The following DLG2 variants were observed in gnomAD, a reference collection of about 807,000 sequenced individuals.
DLG2 encodes the protein disks large homolog 2.
A neutral mutation model predicts 132.5 loss-of-function variants in DLG2; 45 were observed. The observed-to-expected ratio is 0.34, with a 90% CI of 0.27 to 0.44. DLG2 has a LOEUF of 0.44. Among genes scored for constraint, DLG2 ranks in the 20% least tolerant of loss-of-function variants. The probability of loss-of-function intolerance (pLI) is 1.00; values close to 1 mark genes in which losing one functional copy is unlikely to be tolerated. For missense variants in DLG2, 1,045 were observed against 1,196.9 expected (o/e 0.87, Z 1.87); for synonymous variants, 424 against 419.6 (o/e 1.01, Z -0.13).
At chr11:85,130,992 C>T (rs1368061864) in intron 5 of DLG2, among the ~76,000 whole-genome samples, 1 of 151,736 alleles carries the variant, frequency 6.6e-6, no homozygotes, top group African/African-American at 2.4e-5. Context: ...TAGAAATGTT[C>T]GTGGATATAA....
At chr11:84,277,884 G>A (rs2097798105) in intron 7 of DLG2, among the ~76,000 whole-genome samples, 1 of 151,856 alleles carries the variant, frequency 6.6e-6, no homozygotes. Flanking sequence ...CAAACATGAG[G>A]AGCTAATAAG....
intron 19 of DLG2, among the ~76,000 whole-genome samples, chr11:83,601,775 G>A (rs890460836): frequency 2.0e-5 from 3 of 151,760 alleles, no homozygotes; most frequent in East Asian, 1.9e-4. Context: ...TGCCGGCCTC[G>A]GCCTCCCAAA....
At chr11:84,341,083 A>G (rs2098512179) in intron 7 of DLG2, among the ~76,000 whole-genome samples, 1 of 152,150 alleles carries the variant, frequency 6.6e-6, no homozygotes, top group South Asian at 2.1e-4. Flanking sequence ...ACTGCTAAGG[A>G]TCGTAAGTGG....
At chr11:85,460,806 T>C (rs1192687925) in intron 3 of DLG2, among the ~76,000 whole-genome samples, 1 of 152,244 alleles carries the variant, frequency 6.6e-6, no homozygotes, top group East Asian at 1.9e-4. Context: ...AAGTTCCTGC[T>C]TTGAAAAACT....
chr11:85,511,507 C>T (rs2094069240), intron 3 of DLG2, among the ~76,000 whole-genome samples: 1 of 151,850 alleles, frequency 6.6e-6, no homozygotes, highest in Admixed American at 6.6e-5. Flanking sequence ...CAACTGAACC[C>T]ATCTAACAAT....
intron 18 of DLG2, among the ~76,000 whole-genome samples, chr11:83,743,429 A>ATTTTCTTTTTTTTTTTTT (rs374206299): frequency 1.9e-5 from 2 of 103,790 alleles, no homozygotes; most frequent in African/African-American, 5.8e-5. Context: ...TGGGCAGGCC[A>ATTTTCTTTTTTTTTTTTT]TTTTTTTTTT....
At chr11:84,028,590 C>T (rs988605927) in intron 11 of DLG2, among the ~76,000 whole-genome samples, 1 of 152,006 alleles carries the variant, frequency 6.6e-6, no homozygotes, top group African/African-American at 2.4e-5. Flanking sequence ...ATCATTAGAC[C>T]AATTACAGAT....
intron 10 of DLG2, among the ~76,000 whole-genome samples, chr11:84,067,278 G>C (rs1295035236): frequency 2.0e-5 from 3 of 152,156 alleles, no homozygotes; most frequent in Non-Finnish European, 4.4e-5. Context: ...GGGTTGCTGT[G>C]AGCCAAGACC....
At chr11:85,104,778 T>C (rs1309478111) in intron 6 of DLG2, among the ~76,000 whole-genome samples, 2 of 138,550 alleles carry the variant, frequency 1.4e-5, no homozygotes, top group Non-Finnish European at 3.1e-5. Context: ...AAAACAACAA[T>C]AAGAGCACAA....
intron 6 of DLG2, chr11:84,546,813 G>T (rs534044299): frequency 9.1e-6 from 2 of 219,820 alleles, no homozygotes; most frequent in Admixed American, 4.8e-5. Context: ...CCAGTTATTC[G>T]GGCTCTTTCA....
chr11:84,702,833 A>G (rs975256518), intron 6 of DLG2, among the ~76,000 whole-genome samples: 2 of 151,594 alleles, frequency 1.3e-5, no homozygotes, highest in African/African-American at 4.8e-5. Flanking sequence ...GACTACATCT[A>G]TTTTCTTCAT....
intron 3 of DLG2, among the ~76,000 whole-genome samples, chr11:85,360,916 G>GCATT (rs2084094012): frequency 6.6e-6 from 1 of 152,092 alleles, no homozygotes; most frequent in African/African-American, 2.4e-5. Flanking sequence ...GACTACAGTG[G>GCATT]TAATAATAGT....
At chr11:84,936,386 C>G (rs2105635) in intron 6 of DLG2, among the ~76,000 whole-genome samples, 5,475 of 152,008 alleles carry the variant, frequency 0.036, 134 homozygotes, top group East Asian at 0.095. Context: ...AAACAAAAGC[C>G]TTAAACACAT....
At chr11:84,698,557 T>C (rs1412320226) in intron 6 of DLG2, among the ~76,000 whole-genome samples, 1 of 151,602 alleles carries the variant, frequency 6.6e-6, no homozygotes, top group East Asian at 1.9e-4. Context: ...TAAAATCTAA[T>C]TTACTTTAGA....
At chr11:84,620,051 T>C (rs1490967044) in intron 6 of DLG2, among the ~76,000 whole-genome samples, 2 of 151,512 alleles carry the variant, frequency 1.3e-5, no homozygotes, top group Non-Finnish European at 3.0e-5. Flanking sequence ...TAATAATAAT[T>C]TAAATTTTTA....
At chr11:84,959,125 C>A (rs78109359) in intron 6 of DLG2, among the ~76,000 whole-genome samples, 1 of 152,036 alleles carries the variant, frequency 6.6e-6, no homozygotes, top group Non-Finnish European at 1.5e-5. Context: ...TGCTCAGGAA[C>A]TTCTGCTTCA....
At chr11:84,675,200 T>C (rs1433061668) in intron 6 of DLG2, among the ~76,000 whole-genome samples, 6 of 152,090 alleles carry the variant, frequency 3.9e-5, no homozygotes, top group Admixed American at 3.3e-4. Flanking sequence ...CCTGTTTGGA[T>C]TCTTGTTCTT....
At chr11:83,740,217 A>C (rs1425599171) in intron 18 of DLG2, among the ~76,000 whole-genome samples, 1 of 152,188 alleles carries the variant, frequency 6.6e-6, no homozygotes, top group African/African-American at 2.4e-5. Context: ...TACTCAGTGC[A>C]GCATTGTTAA....
chr11:83,777,902 G>A (rs1406584050), intron 18 of DLG2, among the ~76,000 whole-genome samples: 1 of 152,146 alleles, frequency 6.6e-6, no homozygotes, highest in East Asian at 1.9e-4. Context: ...CAGCTGGAAA[G>A]GGCCTTAAAA....
Sources: gnomAD v4.1 joint callset for allele counts (sites outside exome capture counted in the v4.1 genomes callset) on GRCh38, gnomAD v4.1.1 for gene constraint, MANE v1.5 for transcripts, NCBI Gene and HGNC (gene_info 2026-07-23, HGNC 2026-07-21) for gene names.